The following SRGAP1 variants were observed in gnomAD, a reference collection of about 807,000 sequenced individuals.
SRGAP1 encodes SLIT-ROBO Rho GTPase-activating protein 1.
Under a neutral mutation model 121.9 loss-of-function variants are expected in SRGAP1, and 43 were observed. That is an observed-to-expected ratio of 0.35 (90% CI 0.28 to 0.46). SRGAP1 has a LOEUF of 0.46. SRGAP1 is among the 20% of genes least tolerant of loss of function. SRGAP1 has a pLI of 1.00. For synonymous variants in SRGAP1, 447 were observed against 485.4 expected, an observed-to-expected ratio of 0.92 and a Z score of 1.04; for missense variants, 1,102 against 1,350.9, an observed-to-expected ratio of 0.82 and a Z score of 2.89.
intron 15 of SRGAP1, among the ~76,000 whole-genome samples, chr12:64,098,849 C>A (rs2036211994): frequency 6.6e-6 from 1 of 152,192 alleles, no homozygotes; most frequent in African/African-American, 2.4e-5. Context: ...CCACCTCCAT[C>A]CACTTGCCTA....
At chr12:63,853,242 A>G (rs1016692686) in intron 1 of SRGAP1, among the ~76,000 whole-genome samples, 4 of 152,038 alleles carry the variant, frequency 2.6e-5, no homozygotes, top group Non-Finnish European at 4.4e-5. Context: ...GCTGGTCTCG[A>G]ACTCCTGACA....
At chr12:64,092,005 T>G in intron 12 of SRGAP1, 1 of 1,196,306 alleles carries the variant, frequency 8.4e-7, no homozygotes, top group Non-Finnish European at 1.2e-6. Flanking sequence ...TGGCTTTAAT[T>G]AGATTGTTAA....
At chr12:63,956,755 G>A (rs558185605) in intron 1 of SRGAP1, among the ~76,000 whole-genome samples, 107 of 93,630 alleles carry the variant, frequency 1.1e-3, no homozygotes, top group African/African-American at 4.4e-3. Context: ...CAGCTTTATT[G>A]AGATAGAGAC....
intron 10 of SRGAP1, 104 bp from the exon 11 acceptor site, chr12:64,086,895 T>A: frequency 1.2e-6 from 1 of 808,826 alleles, no homozygotes; most frequent in Admixed American, 2.4e-5. Context: ...TGTAAGTTAT[T>A]ACAAACTCAG....
intron 1 of SRGAP1, among the ~76,000 whole-genome samples, chr12:63,893,750 T>C (rs1900660885): frequency 6.6e-6 from 1 of 152,264 alleles, no homozygotes; most frequent in Non-Finnish European, 1.5e-5. Context: ...TGCATTTTAA[T>C]ATCCACTATT....
chr12:63,982,555 T>C (rs796749188), intron 1 of SRGAP1: 2 of 152,314 alleles, frequency 1.3e-5, no homozygotes, highest in African/African-American at 4.8e-5. Context: ...TTAAACATGG[T>C]CAAGTGTATG....
chr12:63,905,874 T>G (rs2136311271), intron 1 of SRGAP1, among the ~76,000 whole-genome samples: 1 of 152,290 alleles, frequency 6.6e-6, no homozygotes, highest in African/African-American at 2.4e-5. Flanking sequence ...ATTTAAAAGG[T>G]TAGACTCAAT....
rs951311605 is a variant in SRGAP1 at position 64,142,795 on chromosome 12, C to G, written c.*123C>G. 6 of 1,351,878 alleles carry G rather than the reference C, an allele frequency of 4.4e-6. 1 individual carries two copies. The East Asian group carries it at 1.5e-4, about 33-fold the overall frequency. The allele number at this position is 1,351,878 out of a possible 1,614,324, so 83.7% of individuals were successfully genotyped here. The stretch of plus-strand genomic sequence containing the variant: ...TATAACTGGAGATCTTTTGGCTTTT[C>G]TATGTTGTCGAATGTAATGTCTGAG... On this transcript the variant is annotated 3_prime_UTR_variant, in exon 22 of 22. Coordinates refer to ENST00000355086, the MANE Select transcript of SRGAP1 (RefSeq NM_020762.4).
rs971174192 is a variant in SRGAP1 at position 64,045,588 on chromosome 12, A to G, written c.801+2013A>G. On this transcript the variant is annotated intron_variant, in intron 6 of 21. Transcript: ENST00000355086. Reference sequence around the variant, plus strand: ...GTAGCTGGAATTACAGGCGTGCGCAACCACACCCAGCTAATTTTTGTATTT... The same window carrying G: ...GTAGCTGGAATTACAGGCGTGCGCAGCCACACCCAGCTAATTTTTGTATTT... 4.6e-5 allele frequency among the ~76,000 whole-genome samples: 7 copies of G among 152,120 alleles called. No individual in the cohort carries two copies. The East Asian group carries it at 1.4e-3, about 30-fold the overall frequency.
At chr12:64,036,157 C>T (rs1280711930) in intron 4 of SRGAP1, among the ~76,000 whole-genome samples, 1 of 152,158 alleles carries the variant, frequency 6.6e-6, no homozygotes, top group Non-Finnish European at 1.5e-5. Context: ...GTCCTGAGTG[C>T]TCTTTTTGAG....
chr12:64,097,385 C>T lies in SRGAP1; in HGVS notation c.1813+10C>T, dbSNP rs1237899358. 6.2e-7 allele frequency: 1 copy of T among 1,602,738 alleles called. No individual in the cohort carries two copies. The highest frequency in any genetic ancestry group is 2.2e-5 in the East Asian group (1 of 44,786). On this transcript the variant is annotated intron_variant, in intron 15 of 21. Transcript: ENST00000355086. ...CTGATTTCTTGTATCAGTAAGTGGA[C>T]ATTTTTTTCATCTTTTCCCACAAGA...
At chr12:64,098,818 G>A (rs1193432855) in intron 15 of SRGAP1, among the ~76,000 whole-genome samples, 1 of 152,180 alleles carries the variant, frequency 6.6e-6, no homozygotes, top group East Asian at 1.9e-4. Context: ...GTAGCAGACT[G>A]TACATATGCT....
intron 1 of SRGAP1, among the ~76,000 whole-genome samples, chr12:63,919,527 T>TATATATATATAC (rs1238483459): frequency 5.5e-5 from 8 of 146,426 alleles, no homozygotes; most frequent in African/African-American, 2.1e-4. Context: ...TATATACACA[T>TATATATATATAC]ACACACACAC....
At chr12:64,088,871 G>A (rs1050257355) in intron 11 of SRGAP1, among the ~76,000 whole-genome samples, 3 of 152,128 alleles carry the variant, frequency 2.0e-5, no homozygotes, top group Admixed American at 6.5e-5. Flanking sequence ...TTTTGGCTCC[G>A]TCTACAAGAT....
intron 16 of SRGAP1, among the ~76,000 whole-genome samples, chr12:64,109,547 A>C (rs2036399087): frequency 6.6e-6 from 1 of 152,222 alleles, no homozygotes; most frequent in African/African-American, 2.4e-5. Flanking sequence ...ACAGAGTAAC[A>C]AATCTTTTAA....
chr12:63,870,136 A>G (rs1157384230), intron 1 of SRGAP1, among the ~76,000 whole-genome samples: 1 of 152,308 alleles, frequency 6.6e-6, no homozygotes, highest in Non-Finnish European at 1.5e-5. Context: ...TCTTTGACCT[A>G]ATAAGAGTTT....
intron 21 of SRGAP1, among the ~76,000 whole-genome samples, chr12:64,139,791 G>C (rs1180365521): frequency 6.6e-6 from 1 of 152,020 alleles, no homozygotes; most frequent in East Asian, 1.9e-4. Context: ...ATTGCTTTTG[G>C]TGTTTTAGAC....
intron 1 of SRGAP1, among the ~76,000 whole-genome samples, chr12:63,871,384 C>G (rs68047317): frequency 0.14 from 21,606 of 152,106 alleles, 2,040 homozygotes; most frequent in East Asian, 0.4. Flanking sequence ...AAAGTGGGAG[C>G]CTGATGAGCC....
At position 63,937,735 on chromosome 12, in the gene SRGAP1, TAGG is replaced by T. The variant is rs1218357979; in HGVS notation, c.68-46209_68-46207del. ...ACATGTAGCATGTTATATTAACACC[TAGG>T]AGCTCGCCTTAAACTGCTGTCCCTC... is the stretch of plus-strand genomic sequence containing the variant. On this transcript the variant is annotated intron_variant, in intron 1 of 21. Coordinates refer to ENST00000355086, the MANE Select transcript of SRGAP1 (RefSeq NM_020762.4). Among the ~76,000 whole-genome samples the T allele has an allele frequency of 3.3e-5, 5 of 152,378 alleles. No homozygotes were observed. In the East Asian group the frequency reaches 9.6e-4, roughly 29 times the overall value.
Sources: allele counts gnomAD v4.1 joint callset (sites outside exome capture counted in the v4.1 genomes callset), GRCh38; gene constraint gnomAD v4.1.1; transcripts MANE v1.5; gene names NCBI Gene and HGNC (gene_info 2026-07-23, HGNC 2026-07-21).